LRFN2: variants seen among roughly 807,000 people sequenced by gnomAD.
LRFN2 encodes the protein leucine-rich repeat and fibronectin type-III domain-containing protein 2.
Under a neutral mutation model 37.3 loss-of-function variants are expected in LRFN2, and 18 were observed. The ratio of observed to expected loss-of-function variants is 0.48; its 90% CI spans 0.33 to 0.72. LRFN2 has a LOEUF of 0.72. Among genes scored for constraint, LRFN2 ranks in the 30% least tolerant of loss-of-function variants. The pLI is 0.02. For missense variants in LRFN2, 1,006 were observed against 1,060.7 expected (o/e 0.95, Z 0.72); for synonymous variants, 556 against 466.6 (o/e 1.19, Z -2.47).
chr6:40,498,496 A>G (rs905617045), intron 1 of LRFN2, among the ~76,000 whole-genome samples: 1 of 152,164 alleles, frequency 6.6e-6, no homozygotes, highest in African/African-American at 2.4e-5. Context: ...GCCTTCACAT[A>G]CTTTTTTCCC....
Position 40,394,762 on chromosome 6 carries a change from G to C in LRFN2, c.1401-1850C>G, listed in dbSNP as rs1002748339. Among the ~76,000 whole-genome samples, 10 of 152,160 alleles carry C rather than the reference G, an allele frequency of 6.6e-5. No individual in the cohort carries two copies. In the East Asian group the frequency reaches 1.9e-3, roughly 30 times the overall value. On this transcript the variant is annotated intron_variant, in intron 2 of 2. Transcript: ENST00000338305. ...GGAGGTAATTAAATCATGAGGGTGG[G>C]TCTTTCCCAAGCTATTCTCATGACA...
intron 1 of LRFN2, among the ~76,000 whole-genome samples, chr6:40,552,681 C>T (rs1195005559): frequency 6.6e-6 from 1 of 152,018 alleles, no homozygotes; most frequent in Admixed American, 6.5e-5. Context: ...TCCTTTCTTG[C>T]TTGAAAAAAT....
intron 1 of LRFN2, among the ~76,000 whole-genome samples, chr6:40,537,118 C>T (rs1318670993): frequency 6.6e-6 from 1 of 152,182 alleles, no homozygotes; most frequent in Non-Finnish European, 1.5e-5. Flanking sequence ...GTTATCCATT[C>T]TCTACGTAAT....
chr6:40,442,981 T>C (rs529431190), intron 1 of LRFN2, among the ~76,000 whole-genome samples: 2 of 152,208 alleles, frequency 1.3e-5, no homozygotes, highest in African/African-American at 2.4e-5. Flanking sequence ...ACATCACCCA[T>C]AGCATATTTA....
Position 40,564,410 on chromosome 6 carries a change from C to T in LRFN2, c.-19+22531G>A, listed in dbSNP as rs1255030363. ...TAAGTTCCTGCTGTCATAGAGTTTA[C>T]AATCGAACCATCTACCCAGCTGCCC... On this transcript the variant is annotated intron_variant, in intron 1 of 2. Coordinates refer to ENST00000338305, the MANE Select transcript of LRFN2 (RefSeq NM_020737.3). 2.6e-5 allele frequency among the ~76,000 whole-genome samples: 4 copies of T among 152,198 alleles called. No individual in the cohort carries two copies. In the East Asian group the frequency reaches 5.8e-4, roughly 22 times the overall value.
At chr6:40,481,725 C>A (rs956571068) in intron 1 of LRFN2, among the ~76,000 whole-genome samples, 1 of 152,090 alleles carries the variant, frequency 6.6e-6, no homozygotes, top group Non-Finnish European at 1.5e-5. Flanking sequence ...GTGCCAAATG[C>A]TCCCTGGGTG....
At chr6:40,580,468 G>A (rs941082154) in intron 1 of LRFN2, among the ~76,000 whole-genome samples, 2 of 152,320 alleles carry the variant, frequency 1.3e-5, no homozygotes, top group African/African-American at 4.8e-5. Context: ...TTCCAGGGTT[G>A]TTCTACAGAG....
intron 1 of LRFN2, among the ~76,000 whole-genome samples, chr6:40,433,553 C>T (rs546123748): frequency 5.9e-5 from 9 of 152,080 alleles, no homozygotes; most frequent in Admixed American, 2.0e-4. Flanking sequence ...TGGATGAATG[C>T]GATACCATAT....
intron 1 of LRFN2, among the ~76,000 whole-genome samples, chr6:40,548,768 C>T (rs563997803): frequency 2.7e-4 from 41 of 152,258 alleles, no homozygotes; most frequent in African/African-American, 7.5e-4. Context: ...CCTTTAGATG[C>T]TCTGCCCTAT....
intron 2 of LRFN2, among the ~76,000 whole-genome samples, chr6:40,414,789 A>T (rs1763059222): frequency 6.6e-6 from 1 of 152,100 alleles, no homozygotes. Flanking sequence ...TCAGTTATAA[A>T]CCCCACGTGA....
intron 1 of LRFN2, among the ~76,000 whole-genome samples, chr6:40,453,668 C>T (rs1173121631): frequency 6.6e-6 from 1 of 152,042 alleles, no homozygotes; most frequent in Non-Finnish European, 1.5e-5. Flanking sequence ...AAGACATTAG[C>T]CTAGAGGGAA....
At chr6:40,420,484 C>G (rs78799688) in intron 2 of LRFN2, among the ~76,000 whole-genome samples, 6 of 152,348 alleles carry the variant, frequency 3.9e-5, no homozygotes, top group South Asian at 2.1e-4. Flanking sequence ...CAGCTTCCCC[C>G]CCAGGCTGGC....
intron 1 of LRFN2, among the ~76,000 whole-genome samples, chr6:40,577,400 C>G (rs1175278824): frequency 6.6e-6 from 1 of 151,982 alleles, no homozygotes; most frequent in Non-Finnish European, 1.5e-5. Flanking sequence ...CTGCACCAAG[C>G]CCCCAAGGCC....
At chr6:40,435,050 TATAGAGAG>T (rs1408068213) in intron 1 of LRFN2, among the ~76,000 whole-genome samples, 192 of 60,014 alleles carry the variant, frequency 3.2e-3, no homozygotes, top group African/African-American at 6.5e-3. Flanking sequence ...TATATATATA[TATAGAGAG>T]AGAGAGAGAG....
intron 1 of LRFN2, among the ~76,000 whole-genome samples, chr6:40,482,116 C>A (rs1290435014): frequency 6.6e-6 from 1 of 152,144 alleles, no homozygotes; most frequent in African/African-American, 2.4e-5. Flanking sequence ...TATCCCTTTG[C>A]CCTTTGTGTT....
At chr6:40,547,105 C>CTTTTT (rs71307603) in intron 1 of LRFN2, among the ~76,000 whole-genome samples, 2 of 139,440 alleles carry the variant, frequency 1.4e-5, no homozygotes, top group Non-Finnish European at 1.6e-5. Flanking sequence ...TAATGCAAAT[C>CTTTTT]TTTTTTTTTT....
At position 40,537,931 on chromosome 6, in the gene LRFN2, G is replaced by C. The variant is rs771640549; in HGVS notation, c.-19+49010C>G. On this transcript the variant is annotated intron_variant, in intron 1 of 2. Transcript: ENST00000338305. ...AGAGATTGAAGGGAGCAGGGAACAT[G>C]GGAAATGAGGAGCATGGCCCATGCA... Among the ~76,000 whole-genome samples the C allele has an allele frequency of 9.2e-5, 14 of 152,040 alleles. No homozygotes were observed. In the South Asian group the frequency reaches 1.0e-3, roughly 11 times the overall value.
intron 1 of LRFN2, among the ~76,000 whole-genome samples, chr6:40,580,500 C>T (rs534061575): frequency 3.3e-5 from 5 of 152,274 alleles, no homozygotes; most frequent in Admixed American, 1.3e-4. Flanking sequence ...ACGGCAGCTC[C>T]GAAGTGATAG....
chr6:40,438,236 T>C (rs1763738374), intron 1 of LRFN2, among the ~76,000 whole-genome samples: 1 of 152,126 alleles, frequency 6.6e-6, no homozygotes, highest in South Asian at 2.1e-4. Flanking sequence ...AGAGAAGCAG[T>C]CCAGTCTTGG....
Sources: gnomAD v4.1 joint callset for allele counts (sites outside exome capture counted in the v4.1 genomes callset) on GRCh38, gnomAD v4.1.1 for gene constraint, MANE v1.5 for transcripts, NCBI Gene and HGNC (gene_info 2026-07-23, HGNC 2026-07-21) for gene names.